Variants in GIN1 observed in about 807,000 individuals in gnomAD.
The protein encoded by GIN1 is gypsy retrotransposon integrase-like protein 1.
Under a neutral mutation model 51.4 loss-of-function variants are expected in GIN1, and 41 were observed. The ratio of observed to expected loss-of-function variants is 0.80; its 90% CI spans 0.62 to 1.04. GIN1 has a LOEUF of 1.04. Among genes scored for constraint, GIN1 ranks in the 50% least tolerant of loss-of-function variants. The pLI, the probability that GIN1 is intolerant of heterozygous loss-of-function variation, is 0.00. For synonymous variants in GIN1, 222 were observed against 206.5 expected, an observed-to-expected ratio of 1.07 and a Z score of -0.64; for missense variants, 610 against 612.4, an observed-to-expected ratio of 1.00 and a Z score of 0.04.
chr5:103,096,447 A>T (rs782046214), intron 7 of GIN1, 94 bp downstream of exon 7: 10 of 936,232 alleles, frequency 1.1e-5, no homozygotes, highest in Non-Finnish European at 1.6e-5. Context: ...AGGGAAAAGA[A>T]AACCTAACAA....
intron 2 of GIN1, among the ~76,000 whole-genome samples, chr5:103,107,656 TA>T (rs748780413): frequency 1.3e-5 from 2 of 152,126 alleles, no homozygotes; most frequent in African/African-American, 2.4e-5. Context: ...GAACCTTATC[TA>T]TGTTATTCAT....
chr5:103,110,441 C>T lies in GIN1; in HGVS notation c.-7-1727G>A, dbSNP rs1554196816. Among the ~76,000 whole-genome samples, 6 of 152,140 alleles carry T rather than the reference C, an allele frequency of 3.9e-5. No homozygotes were observed. The South Asian group carries it at 6.2e-4, about 16-fold the overall frequency. ...CAAAAAATGGGGGGAAATTTCTACA[C>T]AGCACTTCATAAAAGAGAATATCCA... is the stretch of plus-strand genomic sequence containing the variant. On this transcript the variant is annotated intron_variant, in intron 1 of 7. Coordinates refer to ENST00000399004, the MANE Select transcript of GIN1 (RefSeq NM_017676.2).
chr5:103,097,794 T>C lies in GIN1; in HGVS notation c.640-13A>G, dbSNP rs370141004. On this transcript the variant is annotated splice_polypyrimidine_tract_variant and intron_variant, in intron 4 of 7. Coordinates refer to ENST00000399004, the MANE Select transcript of GIN1 (RefSeq NM_017676.2). ...GTTCAATATTGATCTGAAAAATATA[T>C]AAAACAAAGGTGGCTTTTTAAAATT... 9 of 1,203,414 alleles carry C rather than the reference T, an allele frequency of 7.5e-6. No individual in the cohort carries two copies. The highest frequency in any genetic ancestry group is 1.1e-5 in the Non-Finnish European group (9 of 840,716). The allele number at this position is 1,203,414 out of a possible 1,614,324, so 74.5% of individuals were successfully genotyped here. A position where few individuals can be genotyped will look rare whatever the true frequency, so the allele number is the denominator to read the frequency against.
chr5:103,106,592 C>A, intron 3 of GIN1, 124 bp downstream of exon 3: 1 of 585,190 alleles, frequency 1.7e-6, no homozygotes, highest in Non-Finnish European at 2.9e-6. Context: ...ATACAACTCC[C>A]TTTAAGTGAT....
At chr5:103,108,774 A>G in intron 1 of GIN1, 60 bp from the exon 2 acceptor site, 1 of 1,034,616 alleles carries the variant, frequency 9.7e-7, no homozygotes, top group Non-Finnish European at 1.5e-6. Context: ...TTGCTATTTC[A>G]GTTAAGACTT....
rs782813041 is a variant in GIN1, at chr5:103,097,583, C to T, written c.831+7G>A. ...TCAGAAGTACAGAATTATAAAAAGG[C>T]ACATACCAAGTGAGTTACATTGAAG... is the stretch of plus-strand genomic sequence containing the variant. On this transcript the variant is annotated splice_region_variant and intron_variant, in intron 5 of 7. Coordinates refer to ENST00000399004, the MANE Select transcript of GIN1 (RefSeq NM_017676.2). The T allele has an allele frequency of 4.4e-6, 7 of 1,577,542 alleles. No individual in the cohort carries two copies. The highest frequency in any genetic ancestry group is 6.1e-6 in the Non-Finnish European group (7 of 1,147,948).
At chr5:103,119,869 T>C (rs1199733602) in intron 1 of GIN1, among the ~76,000 whole-genome samples, 195 bp downstream of exon 1, 1 of 152,180 alleles carries the variant, frequency 6.6e-6, no homozygotes, top group Non-Finnish European at 1.5e-5. Context: ...ACTCGCCCTT[T>C]CTGCTCAGCT....
At chr5:103,090,952 C>T (rs958862324) in intron 7 of GIN1, among the ~76,000 whole-genome samples, 6 of 151,836 alleles carry the variant, frequency 4.0e-5, no homozygotes, top group Non-Finnish European at 5.9e-5. Context: ...AAAAGTTAAC[C>T]TTTAAAGTAA....
intron 7 of GIN1, 123 bp downstream of exon 7, chr5:103,096,418 G>T (rs1554195053): frequency 4.0e-6 from 3 of 755,566 alleles, no homozygotes; most frequent in Non-Finnish European, 6.6e-6. Context: ...AGCTAAAACT[G>T]TAACAAATTT....
At chr5:103,089,153 G>A (rs1229972531) in intron 7 of GIN1, among the ~76,000 whole-genome samples, 2 of 152,134 alleles carry the variant, frequency 1.3e-5, no homozygotes, top group Non-Finnish European at 2.9e-5. Context: ...AGTACTGACA[G>A]GGAGTCTTCC....
rs1554193896 is a variant in GIN1 at position 103,086,533 on chromosome 5, C to T, written c.*1365G>A. ...TGCCTTTTTATGAATCATTACAATA[C>T]TTTTCCATTTCTGTGTATTACTTCT... On this transcript the variant is annotated 3_prime_UTR_variant, in exon 8 of 8. Coordinates refer to ENST00000399004, the MANE Select transcript of GIN1 (RefSeq NM_017676.2). The T allele has an allele frequency of 1.3e-5, 2 of 152,190 alleles. No individual in the cohort carries two copies. Among genetic ancestry groups the T allele is most frequent in the African/African-American group, 4.8e-5 (2 of 41,442 alleles). 9.4% of individuals were successfully genotyped at this position (152,190 alleles called of 1,614,324 possible). A position where few individuals can be genotyped will look rare whatever the true frequency, so the allele number is the denominator to read the frequency against.
chr5:103,118,528 A>T (rs1788138847), intron 1 of GIN1, among the ~76,000 whole-genome samples: 1 of 152,186 alleles, frequency 6.6e-6, no homozygotes, highest in Admixed American at 6.5e-5. Flanking sequence ...TAAGAAGAAA[A>T]TAATCAGAAG....
intron 2 of GIN1, among the ~76,000 whole-genome samples, chr5:103,107,225 T>C (rs540350803): frequency 1.3e-5 from 2 of 152,174 alleles, no homozygotes; most frequent in East Asian, 3.9e-4. Flanking sequence ...GTACTCAAAG[T>C]AGGAAGATTT....
chr5:103,088,165 A>C lies in GIN1; in HGVS notation c.1302T>G (p.Leu434=). The stretch of plus-strand genomic sequence containing the variant: ...CCACTACTGAACCTTGCAAGAGATA[A>C]AGACTTTCTGAAAAAAGAAAAATCA... ...YIRESSEQES[L]YLLQGSVVAD... is the part of the protein sequence containing the mutation. The change falls in exon 8 of 8, where the codon CTT becomes CTG. Residue 434 remains leucine, a synonymous_variant. Coordinates refer to ENST00000399004, the MANE Select transcript of GIN1 (RefSeq NM_017676.2). 6.7e-7 allele frequency: 1 copy of C among 1,498,398 alleles called. No individual in the cohort carries two copies. Among genetic ancestry groups the C allele is most frequent in the South Asian group, 1.3e-5 (1 of 74,508 alleles). The allele number at this position is 1,498,398 out of a possible 1,614,324, so 92.8% of individuals were successfully genotyped here. A position where few individuals can be genotyped will look rare whatever the true frequency, so the allele number is the denominator to read the frequency against.
At chr5:103,107,973 C>A (rs888764880) in intron 2 of GIN1, among the ~76,000 whole-genome samples, 1 of 151,994 alleles carries the variant, frequency 6.6e-6, no homozygotes, top group Admixed American at 6.6e-5. Flanking sequence ...TTTATCTCAT[C>A]CCAAACTTCT....
chr5:103,091,676 T>G (rs1462147047), intron 7 of GIN1, among the ~76,000 whole-genome samples: 1 of 149,028 alleles, frequency 6.7e-6, no homozygotes, highest in Non-Finnish European at 1.5e-5. Context: ...CTAATGTAGG[T>G]TTTTTTTTTA....
intron 4 of GIN1, among the ~76,000 whole-genome samples, chr5:103,101,859 T>C (rs552020275): frequency 8.5e-5 from 13 of 152,324 alleles, no homozygotes; most frequent in Middle Eastern, 3.4e-3. Context: ...AAAATATAAA[T>C]AGAAGTTCCA....
intron 4 of GIN1, among the ~76,000 whole-genome samples, chr5:103,099,527 G>A (rs1787508851): frequency 6.6e-6 from 1 of 152,064 alleles, no homozygotes; most frequent in Non-Finnish European, 1.5e-5. Flanking sequence ...ATTTGGGTCA[G>A]CTTCAATCTG....
intron 2 of GIN1, among the ~76,000 whole-genome samples, chr5:103,107,315 A>AAAATAATGTTTTAAAACATTAG (rs1787754396): frequency 6.7e-6 from 1 of 150,230 alleles, no homozygotes; most frequent in Non-Finnish European, 1.5e-5. Context: ...AGAATTTTCT[A>AAAATAATGTTTTAAAACATTAG]AAATAATGTT....
Sources: gnomAD v4.1 joint callset for allele counts (sites outside exome capture counted in the v4.1 genomes callset) on GRCh38, gnomAD v4.1.1 for gene constraint, MANE v1.5 for transcripts, NCBI Gene and HGNC (gene_info 2026-07-23, HGNC 2026-07-21) for gene names.